The following INTU variants were observed in gnomAD, a reference collection of about 807,000 sequenced individuals.
INTU encodes protein inturned.
Under a neutral mutation model 100.5 loss-of-function variants are expected in INTU, and 68 were observed. The observed-to-expected ratio is 0.68, with a 90% confidence interval of 0.56 to 0.83. The LOEUF is 0.83. Among genes scored for constraint, INTU ranks in the 40% least tolerant of loss-of-function variants. The probability of loss-of-function intolerance (pLI) is 0.00; values close to 1 mark genes in which losing one functional copy is unlikely to be tolerated. For synonymous variants in INTU, 357 were observed against 395.7 expected (o/e 0.90, Z 1.16); for missense variants, 1,071 against 1,114.7 (o/e 0.96, Z 0.56).
In INTU at chr4:127,669,083, T is replaced by C; in HGVS notation, c.1020T>C (p.Leu340=). ...CAATGTCTGAAGCATCTCAGAAACTTAAAAGTGTGAGAGGGATTTTTCTCA... is the reference window on the plus strand; with the variant it reads ...CAATGTCTGAAGCATCTCAGAAACTCAAAAGTGTGAGAGGGATTTTTCTCA... ...HYPMSEASQK[L]KSVRGIFLTL... is the part of the protein sequence containing the mutation. Residue 340 remains leucine, a synonymous_variant, in exon 5 of 16, where the codon CTT becomes CTC. Coordinates refer to ENST00000335251, the MANE Select transcript of INTU (RefSeq NM_015693.4). 4 of 1,549,478 alleles carry C rather than the reference T, an allele frequency of 2.6e-6. No individual in the cohort carries two copies.
chr4:127,717,300 C>T lies in INTU; in HGVS notation c.*864C>T, dbSNP rs539075734. 13 of 152,250 alleles carry T rather than the reference C, an allele frequency of 8.5e-5. No individual in the cohort carries two copies. Among genetic ancestry groups the T allele is most frequent in the African/African-American group, 2.9e-4 (12 of 41,530 alleles). 9.4% of individuals were successfully genotyped at this position (152,250 alleles called of 1,614,324 possible). On this transcript the variant is annotated 3_prime_UTR_variant, in exon 16 of 16. Transcript: ENST00000335251. ...AATGGCTTCCAGCTTCATCCATGTC[C>T]CTGCAGAGGACATGATCTCATACCT...
rs539120041 is a variant in INTU, at chr4:127,667,417, T to A, written c.973-1619T>A. ...AATAGTGAGGCTTTTATGACTGGAA[T>A]AGAGACCTTCTCAAAAGACCTTTTT... On this transcript the variant is annotated intron_variant, in intron 4 of 15. Coordinates refer to ENST00000335251, the MANE Select transcript of INTU (RefSeq NM_015693.4). Among the ~76,000 whole-genome samples, 144 of 152,288 alleles carry A rather than the reference T, an allele frequency of 9.5e-4. 1 individual carries two copies. Among genetic ancestry groups the A allele is most frequent in the African/African-American group, 3.0e-3 (123 of 41,580 alleles).
intron 3 of INTU, 89 bp downstream of exon 3, chr4:127,656,810 A>G: frequency 1.3e-6 from 1 of 755,820 alleles, no homozygotes; most frequent in Non-Finnish European, 2.1e-6. Context: ...TAAGCGTCTG[A>G]AAAGTATCAT....
At position 127,663,424 on chromosome 4, in the gene INTU, C is replaced by T. The variant is rs1417962064; in HGVS notation, c.812C>T (p.Thr271Met). The change falls in exon 4 of 16, where the codon ACG becomes ATG. Residue 271 changes from threonine to methionine, a missense_variant. By Grantham distance (81) the Thr-to-Met change is moderately conservative (BLOSUM62 -1). Transcript: ENST00000335251. Reference sequence around the variant, plus strand: ...AATGCATATGATGTGAAAAGGGAGACGTCCCATCCAAGACAGAAAAAGACA... The same window carrying T: ...AATGCATATGATGTGAAAAGGGAGATGTCCCATCCAAGACAGAAAAAGACA... ...FENAYDVKRE[T>M]SHPRQKKTQS... 4 of 1,613,064 alleles carry T rather than the reference C, an allele frequency of 2.5e-6. No homozygotes were observed. The highest frequency in any genetic ancestry group is 3.4e-6 in the Non-Finnish European group (4 of 1,179,286).
intron 13 of INTU, among the ~76,000 whole-genome samples, chr4:127,710,567 C>A (rs987780533): frequency 6.6e-6 from 1 of 152,094 alleles, no homozygotes; most frequent in Non-Finnish European, 1.5e-5. Flanking sequence ...GGGCCAGACA[C>A]GAGCTGAATT....
chr4:127,703,315 T>C (rs768457308), intron 9 of INTU, among the ~76,000 whole-genome samples: 4 of 152,202 alleles, frequency 2.6e-5, no homozygotes, highest in Admixed American at 6.5e-5. Flanking sequence ...AAAAAACTTA[T>C]AAAAGTAATA....
rs2148747646 is a variant in INTU at position 127,725,457 on chromosome 4, A to G, written c.*9021A>G. ...TAAAACAATTTATTAAATGTCTTAAATTTCTGGATATGTCCCTGAAAATAC... is the reference window on the plus strand; with the variant it reads ...TAAAACAATTTATTAAATGTCTTAAGTTTCTGGATATGTCCCTGAAAATAC... On this transcript the variant is annotated 3_prime_UTR_variant, in exon 16 of 16. Coordinates refer to ENST00000335251, the MANE Select transcript of INTU (RefSeq NM_015693.4). 1 of 152,326 alleles carries G rather than the reference A, an allele frequency of 6.6e-6. No individual in the cohort carries two copies. Among genetic ancestry groups the G allele is most frequent in the Middle Eastern group, 3.4e-3 (1 of 294 alleles). The allele number at this position is 152,326 out of a possible 1,614,324, so 9.4% of individuals were successfully genotyped here. A position where few individuals can be genotyped will look rare whatever the true frequency, so the allele number is the denominator to read the frequency against.
rs538339183 is a variant in INTU at position 127,652,334 on chromosome 4, C to T, written c.683-4302C>T. 3.1e-4 allele frequency among the ~76,000 whole-genome samples: 47 copies of T among 150,978 alleles called. No homozygotes were observed. The South Asian group carries it at 9.4e-3, about 30-fold the overall frequency. On this transcript the variant is annotated intron_variant, in intron 2 of 15. Coordinates refer to ENST00000335251, the MANE Select transcript of INTU (RefSeq NM_015693.4). ...GGAATGCTTCCAGTTTTTGCCCATT[C>T]AGTATGATATTGGCTGTGGGTTTTG...
Position 127,638,839 on chromosome 4 carries a change from G to T in INTU, c.147-4682G>T, listed in dbSNP as rs188887775. Among the ~76,000 whole-genome samples the T allele has an allele frequency of 2.8e-3, 419 of 152,130 alleles. 2 individuals are homozygous for T. Among genetic ancestry groups the T allele is most frequent in the African/African-American group, 9.5e-3 (393 of 41,534 alleles). ...AAATAAGACTCATTGAAAGAAAATTGAAAAACATTTACACAATAATTATGC... is the reference window on the plus strand; with the variant it reads ...AAATAAGACTCATTGAAAGAAAATTTAAAAACATTTACACAATAATTATGC... On this transcript the variant is annotated intron_variant, in intron 1 of 15. Transcript: ENST00000335251.
At chr4:127,669,844 AT>A (rs1728845951) in intron 5 of INTU, among the ~76,000 whole-genome samples, 1 of 151,880 alleles carries the variant, frequency 6.6e-6, no homozygotes, top group African/African-American at 2.4e-5. Flanking sequence ...ACTTGACACT[AT>A]AGAAATGCTA....
intron 8 of INTU, among the ~76,000 whole-genome samples, chr4:127,690,987 G>A (rs1211247158): frequency 1.3e-5 from 2 of 152,050 alleles, no homozygotes; most frequent in Non-Finnish European, 2.9e-5. Flanking sequence ...GAAATCCTCT[G>A]TGTTCTGCCT....
At chr4:127,677,332 C>T (rs1379159550) in intron 6 of INTU, among the ~76,000 whole-genome samples, 8 of 151,578 alleles carry the variant, frequency 5.3e-5, no homozygotes, top group Non-Finnish European at 1.0e-4. Flanking sequence ...CCCCGAGCAG[C>T]CTAACTGGGA....
At chr4:127,664,241 G>A (rs1018126916) in intron 4 of INTU, among the ~76,000 whole-genome samples, 4 of 151,886 alleles carry the variant, frequency 2.6e-5, no homozygotes, top group African/African-American at 9.7e-5. Flanking sequence ...TGCAGGTAAA[G>A]GACATAATCC....
intron 1 of INTU, among the ~76,000 whole-genome samples, chr4:127,634,003 C>G (rs1726958558): frequency 6.6e-6 from 1 of 152,140 alleles, no homozygotes; most frequent in Admixed American, 6.5e-5. Context: ...AATGGACAAC[C>G]ATACCTGGTC....
chr4:127,674,184 G>C lies in INTU; in HGVS notation c.1152G>C (p.Lys384Asn), dbSNP rs1469491691. 6.2e-7 allele frequency: 1 copy of C among 1,612,008 alleles called. No individual in the cohort carries two copies. The highest frequency in any genetic ancestry group is 8.5e-7 in the Non-Finnish European group (1 of 1,179,132). The change falls in exon 6 of 16, where the codon AAG (lysine) becomes AAC (asparagine). Residue 384 changes from lysine to asparagine, a missense_variant. Coordinates refer to ENST00000335251, the MANE Select transcript of INTU (RefSeq NM_015693.4). ...IHVAYWKESD[K>N]LLLIGLPAEE... ...TGGCTTATTGGAAAGAATCTGACAA[G>C]TTGTTGCTAATTGGCCTGCCTGCTG...
intron 15 of INTU, among the ~76,000 whole-genome samples, chr4:127,715,524 T>C (rs1731236919): frequency 6.6e-6 from 1 of 152,144 alleles, no homozygotes; most frequent in Admixed American, 6.5e-5. Context: ...TTTAGTAAGC[T>C]CCTTTGTGAT....
At chr4:127,648,462 T>A (rs1727688687) in intron 2 of INTU, among the ~76,000 whole-genome samples, 1 of 152,232 alleles carries the variant, frequency 6.6e-6, no homozygotes, top group South Asian at 2.1e-4. Context: ...AACCATCTCC[T>A]CTTTTTAGAG....
chr4:127,659,394 GT>G (rs1728374579), intron 3 of INTU, among the ~76,000 whole-genome samples: 1 of 152,218 alleles, frequency 6.6e-6, no homozygotes, highest in Admixed American at 6.5e-5. Context: ...TGAAGCAAAT[GT>G]GACAAAATGT....
At chr4:127,682,795 T>C (rs904039590) in intron 6 of INTU, among the ~76,000 whole-genome samples, 3 of 151,926 alleles carry the variant, frequency 2.0e-5, no homozygotes, top group African/African-American at 7.2e-5. Flanking sequence ...AAATAAATTA[T>C]GGGTTTACAA....
Sources: allele counts gnomAD v4.1 joint callset (sites outside exome capture counted in the v4.1 genomes callset), GRCh38; gene constraint gnomAD v4.1.1; transcripts MANE v1.5; gene names NCBI Gene and HGNC (gene_info 2026-07-23, HGNC 2026-07-21).